Variants in DTX1 observed in about 807,000 individuals in gnomAD.
The protein encoded by DTX1 is E3 ubiquitin-protein ligase DTX1.
Under a neutral mutation model 57.8 loss-of-function variants are expected in DTX1, and 26 were observed. The ratio of observed to expected loss-of-function variants is 0.45; its 90% confidence interval spans 0.33 to 0.62. DTX1 has a LOEUF of 0.62. DTX1 is among the 20% of genes least tolerant of loss of function. The pLI is 0.02. For synonymous variants in DTX1, 398 were observed against 394.1 expected (o/e 1.01, Z -0.12); for missense variants, 704 against 895.3 (o/e 0.79, Z 2.73).
Position 113,056,855 on chromosome 12 carries a change from G to C in DTX1, c.-834G>C, listed in dbSNP as rs2044626781. 6.6e-6 allele frequency: 1 copy of C among 152,210 alleles called. No individual in the cohort carries two copies. Among genetic ancestry groups the C allele is most frequent in the South Asian group, 2.1e-4 (1 of 4,832 alleles). The allele number at this position is 152,210 out of a possible 1,614,324, so 9.4% of individuals were successfully genotyped here. A position where few individuals can be genotyped will look rare whatever the true frequency, so the allele number is the denominator to read the frequency against. On this transcript the variant is annotated 5_prime_UTR_variant, in exon 1 of 10. Coordinates refer to ENST00000548759, the MANE Select transcript of DTX1 (RefSeq NM_004416.3). ...TGGGAGGGAACGGGCGCGGAGGCGGGACCGCGGCTCCCTCCCACTCCGGGG... is the reference window on the plus strand; with the variant it reads ...TGGGAGGGAACGGGCGCGGAGGCGGCACCGCGGCTCCCTCCCACTCCGGGG...
At position 113,093,057 on chromosome 12, in the gene DTX1, G is replaced by A. The variant is rs2136066958; in HGVS notation, c.942-105G>A. On this transcript the variant is annotated intron_variant, in intron 3 of 9. Transcript: ENST00000548759. The surrounding 1 kb of genome is among the most constrained non-coding windows in gnomAD (Gnocchi z 4.2). The stretch of plus-strand genomic sequence containing the variant: ...GCAGTTGGCAGAGAGGTACAAAGAG[G>A]CCAGGGTGTGTGGCCCAGGAGCCAG... 1 of 1,143,672 alleles carries A rather than the reference G, an allele frequency of 8.7e-7. No homozygotes were observed. Among genetic ancestry groups the A allele is most frequent in the Non-Finnish European group, 1.3e-6 (1 of 786,690 alleles). 70.8% of individuals were successfully genotyped at this position (1,143,672 alleles called of 1,614,324 possible).
chr12:113,064,596 C>A (rs1312266660), intron 2 of DTX1, among the ~76,000 whole-genome samples: 1 of 152,192 alleles, frequency 6.6e-6, no homozygotes, highest in Non-Finnish European at 1.5e-5. Flanking sequence ...GACCTAAAAC[C>A]CAGCTTGGCC....
At position 113,093,826 on chromosome 12, in the gene DTX1, T is replaced by A; in HGVS notation, c.1165+126T>A. ...CTCACCTCCATTGCCTGATCTCAGC[T>A]CCCCTTGCCCTGGCCCCATCTTTCA... is the stretch of plus-strand genomic sequence containing the variant. On this transcript the variant is annotated intron_variant, in intron 5 of 9. Coordinates refer to ENST00000548759, the MANE Select transcript of DTX1 (RefSeq NM_004416.3). The surrounding 1 kb of genome is among the most constrained non-coding windows in gnomAD (Gnocchi z 4.2). The A allele has an allele frequency of 6.8e-7, 1 of 1,465,574 alleles. No homozygotes were observed. The highest frequency in any genetic ancestry group is 9.3e-7 in the Non-Finnish European group (1 of 1,080,720). 90.8% of individuals were successfully genotyped at this position (1,465,574 alleles called of 1,614,324 possible).
chr12:113,072,601 C>A (rs2136056404), intron 2 of DTX1, among the ~76,000 whole-genome samples: 1 of 150,254 alleles, frequency 6.7e-6, no homozygotes, highest in African/African-American at 2.4e-5. Flanking sequence ...CCCAGTAATT[C>A]TTTGGGGTAG....
chr12:113,084,275 G>A (rs1011088299), intron 3 of DTX1, among the ~76,000 whole-genome samples: 1 of 152,258 alleles, frequency 6.6e-6, no homozygotes, highest in Middle Eastern at 3.2e-3. Flanking sequence ...CTGTGGAGCA[G>A]AGGAACCACA....
In DTX1 at chr12:113,087,124, T is replaced by C. The variant is rs577756502; in HGVS notation, c.942-6038T>C. Among the ~76,000 whole-genome samples the C allele has an allele frequency of 1.9e-3, 217 of 111,578 alleles. 1 individual carries two copies. Among genetic ancestry groups the C allele is most frequent in the Middle Eastern group, 9.7e-3 (2 of 206 alleles). The allele number at this position is 111,578 out of a possible 152,430, so 73.2% of individuals were successfully genotyped here. A position where few individuals can be genotyped will look rare whatever the true frequency, so the allele number is the denominator to read the frequency against. On this transcript the variant is annotated intron_variant, in intron 3 of 9. Transcript: ENST00000548759. ...TGGGCAGGCTGGAGGACCGGGAGGG[T>C]TGAAGAGTGACCCCCGCAGCCCCCA...
In DTX1 at chr12:113,077,327, CA is replaced by C. The variant is rs139425541; in HGVS notation, c.260-95del. On this transcript the variant is annotated intron_variant, in intron 2 of 9. Transcript: ENST00000548759. The surrounding 1 kb of genome is among the most constrained non-coding windows in gnomAD (Gnocchi z 7.8). ...CCCCTGGAGGCCTGTGCTGACCCCC[CA>C]ACCTCCCGCCCACCCTTGCCTGGCT... is the stretch of plus-strand genomic sequence containing the variant. 3.4e-3 allele frequency: 4,710 copies of C among 1,392,362 alleles called. 159 individuals are homozygous for C. In the African/African-American group the frequency reaches 0.061, roughly 18 times the overall value. 86.3% of individuals were successfully genotyped at this position (1,392,362 alleles called of 1,614,324 possible).
Position 113,093,236 on chromosome 12 carries a change from C to T in DTX1, c.1003+13C>T. 1 of 1,587,520 alleles carries T rather than the reference C, an allele frequency of 6.3e-7. No homozygotes were observed. Among genetic ancestry groups the T allele is most frequent in the Non-Finnish European group, 8.6e-7 (1 of 1,167,132 alleles). ...CCGGCCCTGGCAGGTGAGGTCTGGC[C>T]CAGGGCGGGAAAGAAGGGCGGGGCC... On this transcript the variant is annotated intron_variant, in intron 4 of 9. Coordinates refer to ENST00000548759, the MANE Select transcript of DTX1 (RefSeq NM_004416.3). This position sits in a 1 kb window ranked among gnomAD's most constrained non-coding sequence, Gnocchi z 4.2.
intron 3 of DTX1, chr12:113,090,074 C>T (rs1950235933): frequency 6.6e-6 from 1 of 152,204 alleles, no homozygotes; most frequent in South Asian, 2.1e-4. Context: ...GGAGACCAAC[C>T]AGTGGTGGTA....
At chr12:113,086,261 G>GA (rs35457626) in intron 3 of DTX1, among the ~76,000 whole-genome samples, 59,170 of 135,148 alleles carry the variant, frequency 0.44, 12,540 homozygotes, top group Middle Eastern at 0.63. Context: ...CCTGTATCAA[G>GA]AAAAAAAAAA....
At chr12:113,092,853 C>G (rs1269838644) in intron 3 of DTX1, among the ~76,000 whole-genome samples, 1 of 152,184 alleles carries the variant, frequency 6.6e-6, no homozygotes, top group African/African-American at 2.4e-5. Context: ...GGCACAGCGG[C>G]CAACGAAAGG....
chr12:113,076,924 G>A (rs2044776403), intron 2 of DTX1, among the ~76,000 whole-genome samples: 1 of 152,088 alleles, frequency 6.6e-6, no homozygotes, highest in Non-Finnish European at 1.5e-5. Flanking sequence ...ATCTGACTCT[G>A]GTCTGAAGAA....
rs781769396 is a variant in DTX1, at chr12:113,077,459, C to T, written c.295C>T (p.Pro99Ser). The T allele has an allele frequency of 1.9e-6, 3 of 1,611,574 alleles. No homozygotes were observed. Among genetic ancestry groups the T allele is most frequent in the Non-Finnish European group, 1.7e-6 (2 of 1,179,746 alleles). ...MRPVRRNFYD[P>S]SSAPGKGIVW... Reference sequence around the variant, plus strand: ...GCCCGTGCGGCGCAACTTCTACGACCCGTCGTCGGCGCCGGGCAAGGGCAT... The same window carrying T: ...GCCCGTGCGGCGCAACTTCTACGACTCGTCGTCGGCGCCGGGCAAGGGCAT... Residue 99 changes from proline (P) to serine (S), a missense_variant, in exon 3 of 10, where the codon CCG becomes TCG. Physicochemically the swap from Pro to Ser is moderately conservative, Grantham distance 74. Coordinates refer to ENST00000548759, the MANE Select transcript of DTX1 (RefSeq NM_004416.3). The surrounding 1 kb of genome is among the most constrained non-coding windows in gnomAD (Gnocchi z 7.8).
chr12:113,074,522 G>A (rs1450333797), intron 2 of DTX1, among the ~76,000 whole-genome samples: 1 of 152,218 alleles, frequency 6.6e-6, no homozygotes, highest in African/African-American at 2.4e-5. Flanking sequence ...AATGCCAGAG[G>A]AGGACAGGGC....
chr12:113,079,749 G>A lies in DTX1; in HGVS notation c.941+1644G>A, dbSNP rs566937495. 2.7e-5 allele frequency among the ~76,000 whole-genome samples: 4 copies of A among 148,596 alleles called. No homozygotes were observed. In the Admixed American group the frequency reaches 2.7e-4, roughly 10 times the overall value. ...GTGTGTGTGTGTGTTAGTGGAGATG[G>A]GATTTCACCATGTTTCCCAGGCTTG... On this transcript the variant is annotated intron_variant, in intron 3 of 9. Coordinates refer to ENST00000548759, the MANE Select transcript of DTX1 (RefSeq NM_004416.3).
rs998595096 is a variant in DTX1 at position 113,063,137 on chromosome 12, G to A, written c.259+4686G>A. Among the ~76,000 whole-genome samples the A allele has an allele frequency of 5.9e-5, 9 of 152,258 alleles. No individual in the cohort carries two copies. The East Asian group carries it at 1.2e-3, about 20-fold the overall frequency. On this transcript the variant is annotated intron_variant, in intron 2 of 9. Transcript: ENST00000548759. ...TCTTCATTTCCCTCTGTCTCCAACCGTCCCTCCCACAGACAAAGATTGCCA... is the reference window on the plus strand; with the variant it reads ...TCTTCATTTCCCTCTGTCTCCAACCATCCCTCCCACAGACAAAGATTGCCA...
chr12:113,085,753 G>A (rs1044490207), intron 3 of DTX1, among the ~76,000 whole-genome samples: 4 of 152,096 alleles, frequency 2.6e-5, no homozygotes, highest in African/African-American at 9.7e-5. Flanking sequence ...GGGGCCCTGG[G>A]GACACAGCAG....
chr12:113,093,561 C>T lies in DTX1; in HGVS notation c.1026C>T (p.Cys342=), dbSNP rs1950262652. 1.2e-6 allele frequency: 2 copies of T among 1,609,006 alleles called. No individual in the cohort carries two copies. Among genetic ancestry groups the T allele is most frequent in the Non-Finnish European group, 1.7e-6 (2 of 1,178,064 alleles). ...CAGGGATGACCGGGATACTGCTGTG[C>T]GCGGCCGGGCTGCCCGTGTGCCTGA... ...ALAGMTGILL[C]AAGLPVCLTR... is the part of the protein sequence containing the mutation. Residue 342 remains cysteine, a synonymous_variant, in exon 5 of 10, where the codon TGC becomes TGT. Transcript: ENST00000548759. This position sits in a 1 kb window ranked among gnomAD's most constrained non-coding sequence, Gnocchi z 4.2.
At position 113,077,910 on chromosome 12, in the gene DTX1, C is replaced by A. The variant is rs1010228651; in HGVS notation, c.746C>A (p.Pro249His). Residue 249 changes from proline to histidine, a missense_variant, in exon 3 of 10, where the codon CCC becomes CAC. By Grantham distance (77) the Pro-to-His change is moderately conservative (BLOSUM62 -2). Transcript: ENST00000548759. This position sits in a 1 kb window ranked among gnomAD's most constrained non-coding sequence, Gnocchi z 7.8. ...CCTCCAGGCGCGCTTGCCGTGCGCCCCAGCGCCACCTTCACAGGCGCCGCG... is the reference window on the plus strand; with the variant it reads ...CCTCCAGGCGCGCTTGCCGTGCGCCACAGCGCCACCTTCACAGGCGCCGCG... Reference protein sequence around the residue: ...GGPPGALAVRPSATFTGAALW... With the variant: ...GGPPGALAVRHSATFTGAALW... The A allele has an allele frequency of 1.7e-6, 2 of 1,204,878 alleles. No individual in the cohort carries two copies. The highest frequency in any genetic ancestry group is 2.1e-6 in the Non-Finnish European group (2 of 974,040). 74.6% of individuals were successfully genotyped at this position (1,204,878 alleles called of 1,614,324 possible). A position where few individuals can be genotyped will look rare whatever the true frequency, so the allele number is the denominator to read the frequency against.
Sources: gnomAD v4.1 joint callset for allele counts (sites outside exome capture counted in the v4.1 genomes callset) on GRCh38, gnomAD v4.1.1 for gene constraint, Gnocchi (gnomAD v3.1) non-coding constraint, MANE v1.5 for transcripts, NCBI Gene and HGNC (gene_info 2026-07-23, HGNC 2026-07-21) for gene names.